The following LRRTM3 variants were observed in gnomAD, a reference collection of about 807,000 sequenced individuals.
The protein encoded by LRRTM3 is leucine rich repeat transmembrane neuronal 3.
Under a neutral mutation model 44.7 loss-of-function variants are expected in LRRTM3, and 24 were observed. That is an observed-to-expected ratio of 0.54 (90% CI 0.39 to 0.76). The LOEUF (loss-of-function observed/expected upper bound fraction) is 0.76. Among genes scored for constraint, LRRTM3 ranks in the 30% least tolerant of loss-of-function variants. The pLI, the probability that LRRTM3 is intolerant of heterozygous loss-of-function variation, is 0.00. For missense variants in LRRTM3, 587 were observed against 702.2 expected (o/e 0.84, Z 1.85); for synonymous variants, 277 against 278.7 (o/e 0.99, Z 0.06).
Position 67,071,719 on chromosome 10 carries a change from T to A in LRRTM3, c.1537-25868T>A, listed in dbSNP as rs1020228865. Among the ~76,000 whole-genome samples the A allele has an allele frequency of 2.0e-4, 30 of 152,188 alleles. 1 individual carries two copies. Among genetic ancestry groups the A allele is most frequent in the African/African-American group, 6.3e-4 (26 of 41,460 alleles). On this transcript the variant is annotated intron_variant, in intron 2 of 2. Transcript: ENST00000361320. ...ATGCATCTCCCCGTGTATTCTCTCC[T>A]CTCCTTTGGGACTTCATTTTTACTT...
At chr10:66,943,834 G>A (rs1300228742) in intron 2 of LRRTM3, among the ~76,000 whole-genome samples, 1 of 152,144 alleles carries the variant, frequency 6.6e-6, no homozygotes, top group Non-Finnish European at 1.5e-5. Flanking sequence ...CTGTACTGTA[G>A]TCTATTAAGT....
intron 2 of LRRTM3, among the ~76,000 whole-genome samples, chr10:66,992,852 T>C (rs1179573563): frequency 1.3e-5 from 2 of 152,194 alleles, no homozygotes; most frequent in African/African-American, 2.4e-5. Context: ...ACAACAAGGC[T>C]TTTATGAGTG....
chr10:67,033,179 T>C (rs904863392), intron 2 of LRRTM3, among the ~76,000 whole-genome samples: 2 of 152,196 alleles, frequency 1.3e-5, no homozygotes. Context: ...ATATATGATC[T>C]TCAAGTCCTC....
At chr10:67,096,113 A>G (rs368221406) in intron 2 of LRRTM3, among the ~76,000 whole-genome samples, 1 of 151,892 alleles carries the variant, frequency 6.6e-6, no homozygotes, top group African/African-American at 2.4e-5. Flanking sequence ...AAGCTGGATT[A>G]CATTTCTCTA....
At position 66,932,577 on chromosome 10, in the gene LRRTM3, T is replaced by C. The variant is rs547718589; in HGVS notation, c.1536+4125T>C. Among the ~76,000 whole-genome samples the C allele has an allele frequency of 6.6e-5, 10 of 152,200 alleles. 1 individual carries two copies. In the South Asian group the frequency reaches 1.0e-3, roughly 16 times the overall value. ...TACCTACACTAAAAATCAGAGGCAGTTGGGGGAAACAATGAGCACAACAGA... is the reference window on the plus strand; with the variant it reads ...TACCTACACTAAAAATCAGAGGCAGCTGGGGGAAACAATGAGCACAACAGA... On this transcript the variant is annotated intron_variant, in intron 2 of 2. Transcript: ENST00000361320.
intron 2 of LRRTM3, among the ~76,000 whole-genome samples, chr10:66,944,888 A>G (rs1056807549): frequency 6.6e-6 from 1 of 152,176 alleles, no homozygotes; most frequent in Non-Finnish European, 1.5e-5. Context: ...TTTGAAAGGA[A>G]TCTTTTTTTA....
intron 2 of LRRTM3, among the ~76,000 whole-genome samples, chr10:66,997,824 A>T (rs1299703582): frequency 6.6e-6 from 1 of 152,176 alleles, no homozygotes; most frequent in Non-Finnish European, 1.5e-5. Context: ...AACTATCCAC[A>T]AAATCACCCA....
At chr10:67,087,721 A>C (rs749723892) in intron 2 of LRRTM3, among the ~76,000 whole-genome samples, 8 of 151,974 alleles carry the variant, frequency 5.3e-5, no homozygotes, top group Non-Finnish European at 8.8e-5. Flanking sequence ...CTGGATCCTT[A>C]CATAATTCGA....
chr10:66,977,136 TG>T (rs986351660), intron 2 of LRRTM3, among the ~76,000 whole-genome samples: 4 of 152,072 alleles, frequency 2.6e-5, no homozygotes, highest in African/African-American at 9.7e-5. Flanking sequence ...GGACCTATAA[TG>T]GGTAGAATAT....
intron 2 of LRRTM3, among the ~76,000 whole-genome samples, chr10:66,943,335 A>ATT (rs150723820): frequency 6.6e-6 from 1 of 151,334 alleles, no homozygotes. Flanking sequence ...ATCTTATTAG[A>ATT]TTTTTTTTTA....
chr10:66,937,197 A>T (rs1358074373), intron 2 of LRRTM3, among the ~76,000 whole-genome samples: 3 of 152,100 alleles, frequency 2.0e-5, no homozygotes, highest in African/African-American at 4.8e-5. Context: ...ATCCAGTTTG[A>T]ATTCTGTTTC....
intron 2 of LRRTM3, among the ~76,000 whole-genome samples, chr10:67,084,014 A>G (rs1857180495): frequency 6.6e-6 from 1 of 152,150 alleles, no homozygotes; most frequent in African/African-American, 2.4e-5. Flanking sequence ...AGTTCAAGGA[A>G]GAGGTTCGTT....
intron 2 of LRRTM3, among the ~76,000 whole-genome samples, chr10:66,936,430 A>G (rs1359479581): frequency 6.6e-6 from 1 of 151,526 alleles, no homozygotes; most frequent in African/African-American, 2.4e-5. Context: ...CATTCCTTCT[A>G]TTTTCCTATT....
intron 2 of LRRTM3, among the ~76,000 whole-genome samples, chr10:67,006,237 C>G (rs1851980019): frequency 6.6e-6 from 1 of 152,058 alleles, no homozygotes; most frequent in Admixed American, 6.6e-5. Context: ...TTACTTCTGC[C>G]TGATTCCAAA....
Position 67,025,442 on chromosome 10 carries a change from C to T in LRRTM3, c.1537-72145C>T, listed in dbSNP as rs201967519. ...TGATATACTTGTTCTCTCCTAAGTA[C>T]AATGCTTGGGAAAATAAGATCATAG... On this transcript the variant is annotated intron_variant, in intron 2 of 2. Transcript: ENST00000361320. Among the ~76,000 whole-genome samples the T allele has an allele frequency of 6.6e-5, 10 of 152,060 alleles. 1 individual carries two copies. In the South Asian group the frequency reaches 2.1e-3, roughly 32 times the overall value.
chr10:67,070,227 C>T (rs1331822440), intron 2 of LRRTM3, among the ~76,000 whole-genome samples: 1 of 152,028 alleles, frequency 6.6e-6, no homozygotes, highest in East Asian at 1.9e-4. Context: ...AAGACTTTTA[C>T]TCACTTTTTT....
chr10:66,943,590 C>T (rs115441379), intron 2 of LRRTM3, among the ~76,000 whole-genome samples: 2,761 of 151,310 alleles, frequency 0.018, 75 homozygotes, highest in African/African-American at 0.064. Flanking sequence ...ACTCTCACGG[C>T]GAGGTGTTTT....
At chr10:67,037,001 C>T (rs890020816) in intron 2 of LRRTM3, among the ~76,000 whole-genome samples, 5 of 152,058 alleles carry the variant, frequency 3.3e-5, no homozygotes, top group Admixed American at 6.6e-5. Context: ...GAGATGCAGG[C>T]GATCTAGTCA....
intron 2 of LRRTM3, among the ~76,000 whole-genome samples, chr10:66,943,688 A>C (rs957101317): frequency 6.6e-5 from 10 of 152,160 alleles, no homozygotes; most frequent in Admixed American, 2.0e-4. Flanking sequence ...TTTGTACAGC[A>C]GGGGAAAACA....
Sources: gnomAD v4.1 joint callset for allele counts (sites outside exome capture counted in the v4.1 genomes callset) on GRCh38, gnomAD v4.1.1 for gene constraint, MANE v1.5 for transcripts, NCBI Gene and HGNC (gene_info 2026-07-23, HGNC 2026-07-21) for gene names.